Variants in VTI1A observed in about 807,000 individuals in gnomAD.
The protein encoded by VTI1A is vesicle transport through interaction with t-SNAREs 1A.
VTI1A carries 22 observed loss-of-function variants against 34.9 expected under a neutral mutation model. The observed-to-expected ratio is 0.63, with a 90% CI of 0.45 to 0.90. The LOEUF is 0.90. VTI1A is among the 40% of genes least tolerant of loss of function. The probability of loss-of-function intolerance (pLI) is 0.00; values close to 1 mark genes in which losing one functional copy is unlikely to be tolerated. For synonymous variants in VTI1A, 87 were observed against 97.3 expected, an observed-to-expected ratio of 0.89 and a Z score of 0.62; for missense variants, 268 against 275.6, an observed-to-expected ratio of 0.97 and a Z score of 0.20.
At chr10:112,853,595 G>A in the VTI1A span, among the ~76,000 whole-genome samples, 4 of 152,294 alleles carry the variant, frequency 2.6e-5, no homozygotes, top group Admixed American at 6.5e-5. Context: ...GGCAAACATC[G>A]ATGGTCAAGT....
intron 7 of VTI1A, among the ~76,000 whole-genome samples, chr10:112,703,560 C>CT (rs1401214036): frequency 1.3e-5 from 2 of 151,604 alleles, no homozygotes; most frequent in Non-Finnish European, 2.9e-5. Context: ...GAGCAAAACT[C>CT]TGTCTCAAAA....
intron 4 of VTI1A, among the ~76,000 whole-genome samples, chr10:112,531,062 C>A (rs941796775): frequency 1.2e-5 from 1 of 82,630 alleles, no homozygotes; most frequent in African/African-American, 5.4e-5. Flanking sequence ...CGTGACACAC[C>A]TCACACACAC....
In VTI1A at chr10:112,460,557, A is replaced by G. The variant is rs1424643364; in HGVS notation, c.128A>G (p.Lys43Arg). Reference protein sequence around the residue: ...EKKQMVANVEKQLEEAKELLE... With the variant: ...EKKQMVANVERQLEEAKELLE... ...AAACAGATGGTTGCAAATGTGGAGA[A>G]ACAGCTTGAAGAAGCGAAAGAACTG... The change falls in exon 2 of 8, where the codon AAA becomes AGA. Residue 43 changes from lysine (K) to arginine (R), a missense_variant. Transcript: ENST00000393077. The G allele has an allele frequency of 1.9e-6, 3 of 1,609,586 alleles. No homozygotes were observed. The highest frequency in any genetic ancestry group is 2.5e-6 in the Non-Finnish European group (3 of 1,178,056).
intron 7 of VTI1A, among the ~76,000 whole-genome samples, chr10:112,683,028 G>A (rs928518520): frequency 2.0e-5 from 3 of 152,184 alleles, no homozygotes; most frequent in Non-Finnish European, 4.4e-5. Flanking sequence ...ATAAAAATAT[G>A]GCACCAGGTT....
intron 5 of VTI1A, among the ~76,000 whole-genome samples, chr10:112,642,212 A>T (rs909107716): frequency 1.3e-5 from 2 of 152,172 alleles, no homozygotes; most frequent in Admixed American, 6.5e-5. Flanking sequence ...AGATTGTTCC[A>T]ATTTTTTTCC....
chr10:112,697,404 T>C (rs201488595), intron 7 of VTI1A, among the ~76,000 whole-genome samples: 75 of 99,218 alleles, frequency 7.6e-4, no homozygotes, highest in South Asian at 8.7e-4. Flanking sequence ...CTTTTCTTTT[T>C]TTTTTTTTTT....
At chr10:112,688,359 C>T (rs1263110464) in intron 7 of VTI1A, among the ~76,000 whole-genome samples, 1 of 152,048 alleles carries the variant, frequency 6.6e-6, no homozygotes, top group Non-Finnish European at 1.5e-5. Flanking sequence ...CCATAACCTA[C>T]CCCATCTACA....
chr10:112,549,162 C>T (rs964463913), intron 5 of VTI1A, among the ~76,000 whole-genome samples: 1 of 152,190 alleles, frequency 6.6e-6, no homozygotes, highest in Non-Finnish European at 1.5e-5. Flanking sequence ...GTATTCACTA[C>T]GTGTTCCTTT....
chr10:112,584,337 T>C (rs916139645), intron 5 of VTI1A, among the ~76,000 whole-genome samples: 2 of 152,196 alleles, frequency 1.3e-5, no homozygotes, highest in East Asian at 3.9e-4. Context: ...TCTCCTTGCC[T>C]TCTTGTGAAC....
chr10:112,676,506 A>T (rs1309987729), intron 7 of VTI1A, among the ~76,000 whole-genome samples: 2 of 152,106 alleles, frequency 1.3e-5, no homozygotes, highest in Non-Finnish European at 2.9e-5. Context: ...TGCACTTAGG[A>T]ATCTCCCATG....
chr10:112,600,389 C>G (rs1041731531), intron 5 of VTI1A, among the ~76,000 whole-genome samples: 1 of 152,196 alleles, frequency 6.6e-6, no homozygotes, highest in Non-Finnish European at 1.5e-5. Flanking sequence ...GTCCACAAGG[C>G]CTTTCATTAT....
At chr10:112,563,598 C>G (rs1017715556) in intron 5 of VTI1A, among the ~76,000 whole-genome samples, 5 of 152,120 alleles carry the variant, frequency 3.3e-5, no homozygotes, top group African/African-American at 1.2e-4. Flanking sequence ...GAGACATTAA[C>G]ACGCTTGAGG....
intron 7 of VTI1A, among the ~76,000 whole-genome samples, chr10:112,753,411 CAGAG>C (rs1262640075): frequency 1.3e-5 from 2 of 152,100 alleles, no homozygotes; most frequent in African/African-American, 2.4e-5. Context: ...TTACTATCCT[CAGAG>C]AGGGAGAAAG....
At chr10:112,646,467 A>T (rs1159786418) in intron 5 of VTI1A, among the ~76,000 whole-genome samples, 19 of 151,992 alleles carry the variant, frequency 1.3e-4, no homozygotes, top group Non-Finnish European at 2.9e-5. Context: ...ACATCAGGAA[A>T]TGTGAATTGT....
In VTI1A at chr10:112,724,325, G is replaced by A. The variant is rs143419210; in HGVS notation, c.560+55327G>A. On this transcript the variant is annotated intron_variant, in intron 7 of 7. Coordinates refer to ENST00000393077, the MANE Select transcript of VTI1A (RefSeq NM_145206.4). ...TAAATATGCCAATCATCTACAGTTC[G>A]GAGGGTTGCTTACCGTGACATATTG... 2.1e-3 allele frequency among the ~76,000 whole-genome samples: 325 copies of A among 152,244 alleles called. 2 individuals are homozygous for A. The East Asian group carries it at 0.034, about 16-fold the overall frequency.
intron 4 of VTI1A, among the ~76,000 whole-genome samples, chr10:112,533,083 C>A (rs1448486292): frequency 6.6e-6 from 1 of 152,046 alleles, no homozygotes; most frequent in Non-Finnish European, 1.5e-5. Context: ...AGCTATTAAT[C>A]ATTTTCATTT....
intron 7 of VTI1A, among the ~76,000 whole-genome samples, chr10:112,793,906 C>T (rs1408922518): frequency 6.6e-6 from 1 of 152,160 alleles, no homozygotes; most frequent in African/African-American, 2.4e-5. Flanking sequence ...TGCTTCTTGA[C>T]CTCTGATGGT....
chr10:112,704,391 C>A (rs1464221108), intron 7 of VTI1A, among the ~76,000 whole-genome samples: 1 of 151,550 alleles, frequency 6.6e-6, no homozygotes. Flanking sequence ...ATATATATGA[C>A]CCCACAGGGA....
At chr10:112,802,990 C>G (rs1852928817) in intron 7 of VTI1A, among the ~76,000 whole-genome samples, 1 of 152,196 alleles carries the variant, frequency 6.6e-6, no homozygotes, top group African/African-American at 2.4e-5. Flanking sequence ...TAATGTTACT[C>G]TTCTTTTCCC....
Sources: allele counts gnomAD v4.1 joint callset (sites outside exome capture counted in the v4.1 genomes callset), GRCh38; gene constraint gnomAD v4.1.1; transcripts MANE v1.5; gene names NCBI Gene and HGNC (gene_info 2026-07-23, HGNC 2026-07-21).